Variants in TWF1 observed in about 807,000 individuals in gnomAD.
TWF1 encodes twinfilin-1.
Under a neutral mutation model 47.9 loss-of-function variants are expected in TWF1, and 14 were observed. That is an observed-to-expected ratio of 0.29 (90% CI 0.19 to 0.46). The LOEUF is 0.46. Ranked by LOEUF, TWF1 falls within the 20% of genes least tolerant of loss-of-function variation. The pLI is 1.00. For synonymous variants in TWF1, 96 were observed against 139.2 expected (o/e 0.69, Z 2.18); for missense variants, 281 against 409.3 (o/e 0.69, Z 2.70).
At chr12:43,797,941 C>T (rs1942585140) in intron 5 of TWF1, 108 bp from the exon 6 acceptor site, 1 of 1,152,494 alleles carries the variant, frequency 8.7e-7, no homozygotes, top group Non-Finnish European at 1.2e-6. Context: ...CTAGCCCAAC[C>T]TATAATTAAA....
chr12:43,806,101 C>T (rs1565703464), intron 1 of TWF1, 120 bp downstream of exon 1: 2 of 1,522,006 alleles, frequency 1.3e-6, no homozygotes, highest in South Asian at 2.4e-5. Flanking sequence ...CCGGCTCGCC[C>T]CGCGAGACCG....
chr12:43,801,237 G>A (rs1048614528), intron 3 of TWF1, among the ~76,000 whole-genome samples: 2 of 152,058 alleles, frequency 1.3e-5, no homozygotes, highest in East Asian at 1.9e-4. Flanking sequence ...ACGGCTTACC[G>A]ATGGCACATA....
chr12:43,800,900 G>A (rs1411957358), intron 3 of TWF1, among the ~76,000 whole-genome samples: 4 of 152,126 alleles, frequency 2.6e-5, no homozygotes, highest in South Asian at 4.1e-4. Context: ...ATAGGTGTGC[G>A]CCACCACACT....
intron 2 of TWF1, among the ~76,000 whole-genome samples, chr12:43,803,150 T>C (rs1992604): frequency 0.41 from 62,864 of 151,978 alleles, 13,579 homozygotes; most frequent in East Asian, 0.59. Context: ...TAACATTCTG[T>C]TCAGATTTAA....
rs1451916531 is a variant in TWF1 at position 43,795,674 on chromosome 12, TTTGC to T, written c.960_963del (p.Gln321ValfsTer17). The T allele has an allele frequency of 6.2e-7, 1 of 1,613,670 alleles. No homozygotes were observed. Among genetic ancestry groups the T allele is most frequent in the Non-Finnish European group, 8.5e-7 (1 of 1,179,906 alleles). Reference sequence around the variant, plus strand: ...GCAGGACCTTTTGGTTTTGCAAAACTTTGCTTGTGTGCATGCTGCTTGGGATGTA... The same window carrying T: ...GCAGGACCTTTTGGTTTTGCAAAACTTTGTGTGCATGCTGCTTGGGATGTA... On this transcript the variant is annotated frameshift_variant, in exon 9 of 9. Transcript: ENST00000395510. LOFTEE classifies it high-confidence loss of function.
In TWF1 at chr12:43,795,490, T is replaced by C. The variant is rs569070697; in HGVS notation, c.*95A>G. 89 of 1,255,622 alleles carry C rather than the reference T, an allele frequency of 7.1e-5. No homozygotes were observed. The African/African-American group carries it at 1.0e-3, about 15-fold the overall frequency. The allele number at this position is 1,255,622 out of a possible 1,614,324, so 77.8% of individuals were successfully genotyped here. Reference sequence around the variant, plus strand: ...TATTTTCCAAAAAGTACAATTTTTTTCCCTACTTTATATCAACATGGAATG... The same window carrying C: ...TATTTTCCAAAAAGTACAATTTTTTCCCCTACTTTATATCAACATGGAATG... On this transcript the variant is annotated 3_prime_UTR_variant, in exon 9 of 9. Transcript: ENST00000395510.
Position 43,796,967 on chromosome 12 carries a change from G to T in TWF1, c.882+9C>A. 2.5e-6 allele frequency: 4 copies of T among 1,606,838 alleles called. No homozygotes were observed. The highest frequency in any genetic ancestry group is 2.2e-5 in the South Asian group (2 of 89,668). On this transcript the variant is annotated intron_variant, in intron 8 of 8. Coordinates refer to ENST00000395510, the MANE Select transcript of TWF1 (RefSeq NM_002822.5). The stretch of plus-strand genomic sequence containing the variant: ...GCAAAAACTGAAGATTTTAAAATAG[G>T]TGGGCTACCTTTCTAATTACATCCA...
intron 5 of TWF1, among the ~76,000 whole-genome samples, chr12:43,799,005 G>T (rs1384623982): frequency 6.6e-6 from 1 of 151,984 alleles, no homozygotes; most frequent in African/African-American, 2.4e-5. Flanking sequence ...AAGTTAATTT[G>T]TAGACTCTCT....
At chr12:43,802,184 T>A in intron 3 of TWF1, 102 bp downstream of exon 3, 1 of 730,030 alleles carries the variant, frequency 1.4e-6, no homozygotes, top group East Asian at 3.1e-5. Flanking sequence ...CATTCCCTTC[T>A]ATGGGAAATA....
intron 5 of TWF1, chr12:43,798,513 C>T: frequency 1.4e-6 from 2 of 1,468,254 alleles, no homozygotes; most frequent in Non-Finnish European, 9.0e-7. Flanking sequence ...GATTCTACAG[C>T]ATAAATGATA....
chr12:43,804,472 A>T (rs773865840), intron 2 of TWF1, 23 bp downstream of exon 2: 33 of 1,454,644 alleles, frequency 2.3e-5, no homozygotes, highest in Non-Finnish European at 3.0e-5. Context: ...GGAACAGAAA[A>T]TATTTTAAAA....
At position 43,794,054 on chromosome 12, in the gene TWF1, T is replaced by C. The variant is rs1428669199; in HGVS notation, c.*1531A>G. Reference sequence around the variant, plus strand: ...CAGAAAAACATTCACTTCTAAATTATTTTATACCTTCATGACAGGTAGTCT... The same window carrying C: ...CAGAAAAACATTCACTTCTAAATTACTTTATACCTTCATGACAGGTAGTCT... On this transcript the variant is annotated 3_prime_UTR_variant, in exon 9 of 9. Transcript: ENST00000395510. The C allele has an allele frequency of 2.0e-5, 3 of 152,654 alleles. No individual in the cohort carries two copies. The highest frequency in any genetic ancestry group is 7.2e-5 in the African/African-American group (3 of 41,468). 9.5% of individuals were successfully genotyped at this position (152,654 alleles called of 1,614,324 possible). A position where few individuals can be genotyped will look rare whatever the true frequency, so the allele number is the denominator to read the frequency against.
Position 43,794,191 on chromosome 12 carries a change from T to C in TWF1, c.*1394A>G, listed in dbSNP as rs1204701009. The C allele has an allele frequency of 6.6e-6, 1 of 152,644 alleles. No individual in the cohort carries two copies. The highest frequency in any genetic ancestry group is 1.5e-5 in the Non-Finnish European group (1 of 68,028). The allele number at this position is 152,644 out of a possible 1,614,324, so 9.5% of individuals were successfully genotyped here. A position where few individuals can be genotyped will look rare whatever the true frequency, so the allele number is the denominator to read the frequency against. ...TACACCCATGGAACAACTTATATCT[T>C]TAGTAAACAAGTGCAACATTATTGT... On this transcript the variant is annotated 3_prime_UTR_variant, in exon 9 of 9. Coordinates refer to ENST00000395510, the MANE Select transcript of TWF1 (RefSeq NM_002822.5).
chr12:43,799,578 A>G, intron 4 of TWF1, 76 bp from the exon 5 acceptor site: 1 of 713,236 alleles, frequency 1.4e-6, no homozygotes, highest in Non-Finnish European at 2.2e-6. Flanking sequence ...AGGAAAAACA[A>G]AATCATTAAC....
At chr12:43,797,686 A>G (rs761730564) in intron 6 of TWF1, 22 bp downstream of exon 6, 1 of 1,606,756 alleles carries the variant, frequency 6.2e-7, no homozygotes, top group East Asian at 2.2e-5. Context: ...CAGCCACTTA[A>G]TAATCATTAT....
At position 43,797,853 on chromosome 12, in the gene TWF1, T is replaced by C. The variant is rs745952843; in HGVS notation, c.484-20A>G. The C allele has an allele frequency of 6.2e-7, 1 of 1,606,456 alleles. No individual in the cohort carries two copies. Among genetic ancestry groups the C allele is most frequent in the Non-Finnish European group, 8.5e-7 (1 of 1,176,616 alleles). The stretch of plus-strand genomic sequence containing the variant: ...CTGTACCTAAGTATGACAGATTTAA[T>C]TTACAAGTTTAGCAGTTAGCAGTAT... On this transcript the variant is annotated intron_variant, in intron 5 of 8. Coordinates refer to ENST00000395510, the MANE Select transcript of TWF1 (RefSeq NM_002822.5).
At position 43,797,798 on chromosome 12, in the gene TWF1, T is replaced by C; in HGVS notation, c.519A>G (p.Gln173=). The C allele has an allele frequency of 1.2e-6, 2 of 1,613,512 alleles. No individual in the cohort carries two copies. The highest frequency in any genetic ancestry group is 1.7e-6 in the Non-Finnish European group (2 of 1,179,532). The change falls in exon 6 of 9, where the codon CAA becomes CAG. Residue 173 remains glutamine (Q), a synonymous_variant. Coordinates refer to ENST00000395510, the MANE Select transcript of TWF1 (RefSeq NM_002822.5). ...QTDVGVDTKH[Q]TLQGVAFPIS... The stretch of plus-strand genomic sequence containing the variant: ...TGGGAAATGCTACTCCTTGTAGTGT[T>C]TGATGCTTAGTGTCCACACCCACGT...
chr12:43,797,860 G>A, intron 5 of TWF1, 27 bp from the exon 6 acceptor site: 1 of 1,604,220 alleles, frequency 6.2e-7, no homozygotes, highest in Non-Finnish European at 8.5e-7. Flanking sequence ...TAATTTACAA[G>A]TTTAGCAGTT....
At chr12:43,797,225 G>C in intron 7 of TWF1, 77 bp downstream of exon 7, 1 of 1,493,292 alleles carries the variant, frequency 6.7e-7, no homozygotes, top group Non-Finnish European at 9.0e-7. Context: ...CTCTGGGCAA[G>C]AAATAAGTAA....
Sources: gnomAD v4.1 joint callset for allele counts (sites outside exome capture counted in the v4.1 genomes callset) on GRCh38, gnomAD v4.1.1 for gene constraint, MANE v1.5 for transcripts, NCBI Gene and HGNC (gene_info 2026-07-23, HGNC 2026-07-21) for gene names.